Variants in BCO1 observed in about 807,000 individuals in gnomAD.
The protein encoded by BCO1 is beta-carotene oxygenase 1.
Under a neutral mutation model 56.3 loss-of-function variants are expected in BCO1, and 54 were observed. The ratio of observed to expected loss-of-function variants is 0.96; its 90% CI spans 0.77 to 1.20. The LOEUF is 1.20. Ranked by LOEUF, BCO1 falls within the 50% of genes most tolerant of loss-of-function variation. The pLI is 0.00. For synonymous variants in BCO1, 318 were observed against 266.1 expected (o/e 1.20, Z -1.90); for missense variants, 801 against 690.9 (o/e 1.16, Z -1.79).
At chr16:81,260,053 A>C (rs904688442) in intron 3 of BCO1, among the ~76,000 whole-genome samples, 15 of 152,214 alleles carry the variant, frequency 9.9e-5, no homozygotes, top group African/African-American at 3.6e-4. Context: ...ATCTGTCAAA[A>C]TTATAAATGC....
chr16:81,277,851 T>G (rs988536712), intron 7 of BCO1, among the ~76,000 whole-genome samples: 2 of 152,114 alleles, frequency 1.3e-5, no homozygotes, highest in African/African-American at 4.8e-5. Context: ...AAATTCACAG[T>G]TTATTCCTCA....
At chr16:81,278,497 A>T (rs973490426) in intron 7 of BCO1, among the ~76,000 whole-genome samples, 1 of 152,230 alleles carries the variant, frequency 6.6e-6, no homozygotes, top group African/African-American at 2.4e-5. Flanking sequence ...TCATTAATTC[A>T]GCGATTACTT....
intron 3 of BCO1, 86 bp downstream of exon 3, chr16:81,259,891 A>G (rs922687391): frequency 3.2e-6 from 5 of 1,551,274 alleles, no homozygotes; most frequent in African/African-American, 1.4e-5. Flanking sequence ...TCCTCTGACA[A>G]TTCTCTTTAG....
intron 2 of BCO1, among the ~76,000 whole-genome samples, chr16:81,247,945 C>G (rs1418844724): frequency 6.6e-6 from 1 of 152,188 alleles, no homozygotes; most frequent in Non-Finnish European, 1.5e-5. Flanking sequence ...AACTGTGTAA[C>G]TTTGGCCAAG....
chr16:81,269,296 T>A, intron 6 of BCO1, among the ~76,000 whole-genome samples: 1 of 146,172 alleles, frequency 6.8e-6, no homozygotes, highest in East Asian at 2.0e-4. Flanking sequence ...GCACTTTTAG[T>A]TTTTCTTTTT....
chr16:81,239,738 C>T (rs1192215186), intron 1 of BCO1, among the ~76,000 whole-genome samples: 1 of 152,192 alleles, frequency 6.6e-6, no homozygotes, highest in Non-Finnish European at 1.5e-5. Context: ...TGAGCTCCTG[C>T]AGAGCCTATA....
Position 81,259,751 on chromosome 16 carries a change from T to C in BCO1, c.269T>C (p.Val90Ala). 6.2e-7 allele frequency: 1 copy of C among 1,614,232 alleles called. No homozygotes were observed. Among genetic ancestry groups the C allele is most frequent in the Non-Finnish European group, 8.5e-7 (1 of 1,180,032 alleles). Residue 90 changes from valine (V) to alanine (A), a missense_variant, in exon 3 of 11, where the codon GTG (valine) becomes GCG (alanine). Val to Ala is a moderately conservative substitution (Grantham distance 64). Coordinates refer to ENST00000258168, the MANE Select transcript of BCO1 (RefSeq NM_017429.3). ...AATATTGAGGCAAACAGGATTGTGG[T>C]GTCTGAGTTTGGAACAATGGCCTAT... Reference protein sequence around the residue: ...NTNIEANRIVVSEFGTMAYPD... With the variant: ...NTNIEANRIVASEFGTMAYPD...
intron 7 of BCO1, among the ~76,000 whole-genome samples, chr16:81,274,255 T>C (rs1907411748): frequency 7.1e-6 from 1 of 140,686 alleles, no homozygotes; most frequent in African/African-American, 2.6e-5. Context: ...TTAGCTTGTG[T>C]ATCTTTTTTT....
intron 2 of BCO1, among the ~76,000 whole-genome samples, chr16:81,253,554 TAATA>T (rs1484934058): frequency 1.3e-5 from 2 of 152,208 alleles, no homozygotes; most frequent in African/African-American, 2.4e-5. Context: ...TCAGGGCAGT[TAATA>T]AATAATGGTT....
intron 1 of BCO1, among the ~76,000 whole-genome samples, chr16:81,240,526 C>T (rs1905063253): frequency 6.6e-6 from 1 of 151,850 alleles, no homozygotes; most frequent in South Asian, 2.1e-4. Context: ...GCTAACATGG[C>T]GAAATCCCTC....
At chr16:81,243,681 C>T (rs928265330) in intron 1 of BCO1, among the ~76,000 whole-genome samples, 2 of 152,178 alleles carry the variant, frequency 1.3e-5, no homozygotes, top group Non-Finnish European at 2.9e-5. Context: ...GTTGGCCAGG[C>T]TTGTCTCCAG....
At chr16:81,286,426 G>A (rs74592612) in intron 9 of BCO1, among the ~76,000 whole-genome samples, 1 of 152,150 alleles carries the variant, frequency 6.6e-6, no homozygotes, top group Non-Finnish European at 1.5e-5. Context: ...GGCCTATTGG[G>A]AGATTAAGAG....
chr16:81,249,072 C>A (rs1597347224), intron 2 of BCO1, among the ~76,000 whole-genome samples: 1 of 150,576 alleles, frequency 6.6e-6, no homozygotes, highest in East Asian at 1.9e-4. Context: ...GCTGCCAGCT[C>A]CTCCATGGTC....
chr16:81,248,168 G>A (rs879756329), intron 2 of BCO1, among the ~76,000 whole-genome samples: 16 of 151,890 alleles, frequency 1.1e-4, no homozygotes, highest in Non-Finnish European at 2.1e-4. Context: ...TTGGGAGGCC[G>A]AGGCGGGTGG....
Position 81,290,959 on chromosome 16 carries a change from CT to C in BCO1, c.*383del, listed in dbSNP as rs996493006. On this transcript the variant is annotated 3_prime_UTR_variant, in exon 11 of 11. Transcript: ENST00000258168. ...TAATTATTTATCATTGTGCCTTCCT[CT>C]GTCTCTTTCTCTTTCCTTTGCTCCC... is the stretch of plus-strand genomic sequence containing the variant. 1 of 187,150 alleles carries C rather than the reference CT, an allele frequency of 5.3e-6. No individual in the cohort carries two copies. Among genetic ancestry groups the C allele is most frequent in the African/African-American group, 2.4e-5 (1 of 42,136 alleles). The allele number at this position is 187,150 out of a possible 1,614,324, so 11.6% of individuals were successfully genotyped here.
chr16:81,254,243 C>T (rs4889292), intron 2 of BCO1, among the ~76,000 whole-genome samples: 44,253 of 150,904 alleles, frequency 0.29, 7,728 homozygotes, highest in African/African-American at 0.48. Flanking sequence ...ATTCTCCTGC[C>T]TCAGCCTCCT....
intron 7 of BCO1, among the ~76,000 whole-genome samples, chr16:81,278,446 C>G: frequency 6.6e-6 from 1 of 152,180 alleles, no homozygotes; most frequent in East Asian, 1.9e-4. Context: ...AGTCTTGCCC[C>G]TTGACAGCCC....
At chr16:81,273,073 G>C (rs577713268) in intron 7 of BCO1, among the ~76,000 whole-genome samples, 1 of 152,046 alleles carries the variant, frequency 6.6e-6, no homozygotes, top group Non-Finnish European at 1.5e-5. Flanking sequence ...GGGTTCTAGC[G>C]ATTCTCCTGT....
chr16:81,285,532 C>G lies in BCO1; in HGVS notation c.1208-8C>G. 1.9e-6 allele frequency: 3 copies of G among 1,603,418 alleles called. No homozygotes were observed. Among genetic ancestry groups the G allele is most frequent in the South Asian group, 1.1e-5 (1 of 90,852 alleles). ...AGGGGCTTCATCCACCTCCTCATTT[C>G]CTTGTAGGCTTAGAGCTTCCACGGG... On this transcript the variant is annotated splice_polypyrimidine_tract_variant and splice_region_variant and intron_variant, in intron 8 of 10. Coordinates refer to ENST00000258168, the MANE Select transcript of BCO1 (RefSeq NM_017429.3).
Sources: allele counts gnomAD v4.1 joint callset (sites outside exome capture counted in the v4.1 genomes callset), GRCh38; gene constraint gnomAD v4.1.1; transcripts MANE v1.5; gene names NCBI Gene and HGNC (gene_info 2026-07-23, HGNC 2026-07-21).